Variants in STK39 observed in about 807,000 individuals in gnomAD.
STK39 encodes STE20/SPS1-related proline-alanine-rich protein kinase.
A neutral mutation model predicts 77.8 loss-of-function variants in STK39; 20 were observed. The observed-to-expected ratio is 0.26, with a 90% CI of 0.18 to 0.37. The LOEUF is 0.37. Ranked by LOEUF, STK39 falls within the 10% of genes least tolerant of loss-of-function variation. The pLI is 1.00. For synonymous variants in STK39, 246 were observed against 234.1 expected (o/e 1.05, Z -0.47); for missense variants, 479 against 656.5 (o/e 0.73, Z 2.95).
chr2:168,185,749 C>T (rs1195732990), intron 1 of STK39, among the ~76,000 whole-genome samples: 4 of 152,186 alleles, frequency 2.6e-5, no homozygotes, highest in Non-Finnish European at 5.9e-5. Flanking sequence ...ACTCCCATGA[C>T]TCACACAATA....
chr2:167,980,494 G>C (rs897168529), intron 16 of STK39, among the ~76,000 whole-genome samples: 1 of 152,212 alleles, frequency 6.6e-6, no homozygotes, highest in Non-Finnish European at 1.5e-5. Flanking sequence ...AAATTAATGA[G>C]ATAGTAAATC....
intron 1 of STK39, among the ~76,000 whole-genome samples, chr2:168,182,790 T>C (rs969983497): frequency 1.1e-4 from 16 of 152,230 alleles, no homozygotes; most frequent in Admixed American, 9.2e-4. Context: ...ACAAAAGAAC[T>C]CCTAATCGGC....
intron 10 of STK39, chr2:168,113,233 C>T (rs531575295): frequency 6.6e-6 from 1 of 152,276 alleles, no homozygotes; most frequent in South Asian, 2.1e-4. Flanking sequence ...AAGAAAGGAG[C>T]ACAATGTCAA....
At chr2:168,076,248 C>A (rs1028504867) in intron 10 of STK39, among the ~76,000 whole-genome samples, 2 of 152,094 alleles carry the variant, frequency 1.3e-5, no homozygotes, top group African/African-American at 2.4e-5. Flanking sequence ...CAAGATCACA[C>A]AGTAATGAAG....
intron 10 of STK39, among the ~76,000 whole-genome samples, chr2:168,103,923 C>CA (rs1274349349): frequency 6.6e-6 from 1 of 152,104 alleles, no homozygotes; most frequent in Non-Finnish European, 1.5e-5. Flanking sequence ...TTCACTCAGA[C>CA]AAAAAACTAT....
intron 14 of STK39, among the ~76,000 whole-genome samples, chr2:168,035,667 G>A (rs1559067071): frequency 1.3e-5 from 2 of 152,132 alleles, no homozygotes; most frequent in African/African-American, 4.8e-5. Context: ...AAACCACATA[G>A]AAACAAAGTA....
chr2:168,243,466 C>A (rs759714231), intron 1 of STK39, among the ~76,000 whole-genome samples: 4 of 152,110 alleles, frequency 2.6e-5, no homozygotes, highest in East Asian at 1.9e-4. Context: ...ACTAAGATGG[C>A]AATTTGTTAC....
intron 17 of STK39, among the ~76,000 whole-genome samples, chr2:167,962,666 T>A (rs1047239410): frequency 9.2e-5 from 14 of 152,198 alleles, no homozygotes; most frequent in African/African-American, 3.4e-4. Context: ...ACAAAGGAGA[T>A]TCAGTCTCAG....
chr2:168,089,570 G>A (rs1426010787), intron 10 of STK39, among the ~76,000 whole-genome samples: 1 of 152,168 alleles, frequency 6.6e-6, no homozygotes, highest in Admixed American at 6.5e-5. Context: ...ATTTTCACCT[G>A]CATTTATTGC....
chr2:168,048,444 C>A (rs986023855), intron 14 of STK39, among the ~76,000 whole-genome samples: 1 of 152,112 alleles, frequency 6.6e-6, no homozygotes, highest in Non-Finnish European at 1.5e-5. Context: ...GATCTCCTGA[C>A]CTCGTGATCC....
intron 10 of STK39, among the ~76,000 whole-genome samples, chr2:168,096,571 CCT>C (rs1686672372): frequency 2.0e-5 from 3 of 152,164 alleles, no homozygotes; most frequent in African/African-American, 7.2e-5. Flanking sequence ...GGAATGAATC[CCT>C]GTGTCCTACA....
chr2:168,151,736 C>T (rs1167445903), intron 5 of STK39, among the ~76,000 whole-genome samples: 1 of 113,474 alleles, frequency 8.8e-6, no homozygotes, highest in African/African-American at 4.5e-5. Context: ...GAGACTCGGT[C>T]TCAAAAAAAA....
intron 16 of STK39, among the ~76,000 whole-genome samples, chr2:167,999,368 G>A (rs1406372539): frequency 1.3e-5 from 2 of 152,124 alleles, no homozygotes; most frequent in African/African-American, 2.4e-5. Context: ...TCTGCCTCTC[G>A]AGTTGGACTG....
chr2:168,103,302 C>A (rs1686884309), intron 10 of STK39, among the ~76,000 whole-genome samples: 1 of 152,174 alleles, frequency 6.6e-6, no homozygotes. Context: ...TACCCAGCTA[C>A]ACTGTTTGCA....
At chr2:168,117,577 T>A (rs181043910) in intron 10 of STK39, among the ~76,000 whole-genome samples, 76 of 152,262 alleles carry the variant, frequency 5.0e-4, no homozygotes, top group African/African-American at 1.8e-3. Flanking sequence ...AACAGACTGA[T>A]GAACCTCCTG....
intron 16 of STK39, among the ~76,000 whole-genome samples, chr2:168,009,662 TTGTC>T (rs909919672): frequency 1.3e-5 from 2 of 152,178 alleles, no homozygotes; most frequent in African/African-American, 4.8e-5. Flanking sequence ...TACATAAACA[TTGTC>T]TGTAGACACT....
intron 5 of STK39, among the ~76,000 whole-genome samples, chr2:168,149,140 C>T (rs145539475): frequency 8.9e-4 from 136 of 152,264 alleles, no homozygotes; most frequent in African/African-American, 2.9e-3. Flanking sequence ...TTCTTTTTCA[C>T]CAGTGAATGG....
In STK39 at chr2:168,182,056, T is replaced by C. The variant is rs201367672; in HGVS notation, c.243A>G (p.Leu81=). The change falls in exon 2 of 18, where the codon CTA becomes CTG. Residue 81 remains leucine (L), a synonymous_variant. Coordinates refer to ENST00000355999, the MANE Select transcript of STK39 (RefSeq NM_013233.3). ...CTACACGTTCTTGCCTGGGTTTGCA[T>C]AGGGCTGCCTGAACCACAGCAGTAG... The part of the protein sequence containing the change: ...SGATAVVQAA[L]CKPRQERVAI... 1.1e-5 allele frequency: 17 copies of C among 1,614,048 alleles called. No individual in the cohort carries two copies. The highest frequency in any genetic ancestry group is 1.7e-4 in the Middle Eastern group (1 of 6,058).
chr2:167,999,366 T>C (rs1683932896), intron 16 of STK39, among the ~76,000 whole-genome samples: 3 of 152,230 alleles, frequency 2.0e-5, no homozygotes, highest in Admixed American at 2.0e-4. Context: ...GGTCTGCCTC[T>C]CGAGTTGGAC....
Sources: allele counts gnomAD v4.1 joint callset (sites outside exome capture counted in the v4.1 genomes callset), GRCh38; gene constraint gnomAD v4.1.1; transcripts MANE v1.5; gene names NCBI Gene and HGNC (gene_info 2026-07-23, HGNC 2026-07-21).